ANK1: variants seen among roughly 807,000 people sequenced by gnomAD.
The protein encoded by ANK1 is ankyrin-1.
A neutral mutation model predicts 210.4 loss-of-function variants in ANK1; 51 were observed. That is an observed-to-expected ratio of 0.24 (90% CI 0.19 to 0.31). ANK1 has a LOEUF of 0.31. ANK1 is among the 10% of genes least tolerant of loss of function. ANK1 has a pLI of 1.00. For missense variants in ANK1, 2,051 were observed against 2,504.4 expected (o/e 0.82, Z 3.86); for synonymous variants, 967 against 1,025.9 (o/e 0.94, Z 1.10).
At chr8:41,774,836 T>A (rs1843663548) in intron 1 of ANK1, among the ~76,000 whole-genome samples, 1 of 152,216 alleles carries the variant, frequency 6.6e-6, no homozygotes, top group African/African-American at 2.4e-5. Flanking sequence ...GAACATATTG[T>A]GGACTGGGGA....
chr8:41,843,605 A>G (rs56077836), intron 1 of ANK1, among the ~76,000 whole-genome samples: 1,658 of 152,302 alleles, frequency 0.011, 41 homozygotes, highest in African/African-American at 0.037. Context: ...CTTCCTGGAA[A>G]GGCCAAACAG....
Position 41,725,842 on chromosome 8 carries a change from C to T in ANK1, c.531G>A (p.Leu177=). 1.6e-5 allele frequency: 26 copies of T among 1,611,918 alleles called. No individual in the cohort carries two copies. Among genetic ancestry groups the T allele is most frequent in the Non-Finnish European group, 2.2e-5 (26 of 1,179,534 alleles). Residue 177 remains leucine (L), a synonymous_variant, in exon 6 of 43, where the codon CTG becomes CTA. Coordinates refer to ENST00000289734, the MANE Select transcript of ANK1 (RefSeq NM_000037.4). ...GTKGKVRLPA[L]HIAARNDDTR... is the part of the protein sequence containing the mutation. ...TGTCGTCGTTGCGGGCCGCGATGTG[C>T]AGGGCCGGGAGGCGCACCTTCCCCT...
In ANK1 at chr8:41,727,839, G is replaced by A. The variant is rs576250210; in HGVS notation, c.327+69C>T. On this transcript the variant is annotated intron_variant, in intron 4 of 42. Transcript: ENST00000289734. ...TTAACACGGCTGCCAATGGACCCAC[G>A]AGGGAGCAGCAAAGAGGAACCACCT... is the stretch of plus-strand genomic sequence containing the variant. 273 of 1,476,956 alleles carry A rather than the reference G, an allele frequency of 1.8e-4. 4 individuals carry two copies. In the Middle Eastern group the frequency reaches 1.9e-3, roughly 10 times the overall value. The allele number at this position is 1,476,956 out of a possible 1,614,324, so 91.5% of individuals were successfully genotyped here. A position where few individuals can be genotyped will look rare whatever the true frequency, so the allele number is the denominator to read the frequency against.
intron 1 of ANK1, among the ~76,000 whole-genome samples, chr8:41,761,365 C>T (rs556878067): frequency 5.1e-5 from 3 of 58,804 alleles, no homozygotes; most frequent in African/African-American, 1.1e-4. Context: ...ATACAGAGAC[C>T]TGTGTGCACA....
intron 37 of ANK1, 124 bp downstream of exon 37, chr8:41,684,419 AC>A: frequency 7.0e-7 from 1 of 1,428,512 alleles, no homozygotes. Context: ...GACAAACCAG[AC>A]CTCCCACCAA....
chr8:41,661,315 C>G, intron 42 of ANK1, 115 bp downstream of exon 42: 1 of 1,457,614 alleles, frequency 6.9e-7, no homozygotes, highest in Non-Finnish European at 9.3e-7. Flanking sequence ...GACACAACAA[C>G]AAGTTGTTTG....
chr8:41,674,817 C>A (rs568979440), intron 37 of ANK1, among the ~76,000 whole-genome samples: 1 of 152,278 alleles, frequency 6.6e-6, no homozygotes. Flanking sequence ...CTGAGGGAAA[C>A]CCCTTTTAGC....
At chr8:41,827,240 C>T (rs1805541565) in intron 1 of ANK1, among the ~76,000 whole-genome samples, 1 of 152,196 alleles carries the variant, frequency 6.6e-6, no homozygotes, top group Non-Finnish European at 1.5e-5. Flanking sequence ...GGAATAAATA[C>T]CCATCTAATG....
chr8:41,853,895 G>A (rs922158342), intron 1 of ANK1, among the ~76,000 whole-genome samples: 8 of 152,052 alleles, frequency 5.3e-5, no homozygotes, highest in South Asian at 4.1e-4. Context: ...CAAAGCACTC[G>A]GATTACAGGC....
rs1805250576 is a variant in ANK1, at chr8:41,655,191, C to A, written c.*599G>T. The A allele has an allele frequency of 6.4e-6, 1 of 155,060 alleles. No homozygotes were observed. Among genetic ancestry groups the A allele is most frequent in the Non-Finnish European group, 1.4e-5 (1 of 70,550 alleles). 9.6% of individuals were successfully genotyped at this position (155,060 alleles called of 1,614,324 possible). A position where few individuals can be genotyped will look rare whatever the true frequency, so the allele number is the denominator to read the frequency against. ...GTAGAGCGATCTGGGAGGAGCGTCA[C>A]CAGGGAGTCGAGGGGGTGTCACAAG... On this transcript the variant is annotated 3_prime_UTR_variant, in exon 43 of 43. Transcript: ENST00000289734.
intron 37 of ANK1, among the ~76,000 whole-genome samples, chr8:41,682,799 G>A (rs573097917): frequency 6.6e-6 from 1 of 152,344 alleles, no homozygotes; most frequent in South Asian, 2.1e-4. Flanking sequence ...GTGCCCCTCT[G>A]ACTTGACCAA....
chr8:41,659,851 T>C (rs1016757068), intron 42 of ANK1, among the ~76,000 whole-genome samples: 1 of 152,054 alleles, frequency 6.6e-6, no homozygotes, highest in Non-Finnish European at 1.5e-5. Context: ...TTCAGCCACA[T>C]TGCAGATCAC....
chr8:41,824,176 G>A (rs1804953984), intron 1 of ANK1, among the ~76,000 whole-genome samples: 1 of 152,040 alleles, frequency 6.6e-6, no homozygotes, highest in Non-Finnish European at 1.5e-5. Flanking sequence ...TGTTGGCCAG[G>A]CTGGTCTCAA....
intron 24 of ANK1, among the ~76,000 whole-genome samples, chr8:41,697,084 G>A (rs1821259951): frequency 6.6e-6 from 1 of 152,076 alleles, no homozygotes; most frequent in African/African-American, 2.4e-5. Flanking sequence ...CTGCAGACCC[G>A]CCCCCCTTCT....
chr8:41,720,232 C>T (rs76507739), intron 9 of ANK1, among the ~76,000 whole-genome samples: 33,870 of 152,130 alleles, frequency 0.22, 4,176 homozygotes, highest in South Asian at 0.27. Context: ...TATTTATACG[C>T]CTCTTAAGAT....
chr8:41,761,083 A>C (rs1234643190), intron 1 of ANK1, among the ~76,000 whole-genome samples: 1 of 152,100 alleles, frequency 6.6e-6, no homozygotes, highest in African/African-American at 2.4e-5. Flanking sequence ...ATTCAATGAC[A>C]AGTGTCCTTA....
At chr8:41,714,645 G>A (rs1425202883) in intron 15 of ANK1, among the ~76,000 whole-genome samples, 1 of 152,136 alleles carries the variant, frequency 6.6e-6, no homozygotes, top group Non-Finnish European at 1.5e-5. Context: ...AAGATCACCT[G>A]AGCCCAGAGT....
intron 1 of ANK1, among the ~76,000 whole-genome samples, chr8:41,795,384 T>C (rs1283902154): frequency 1.3e-5 from 2 of 152,026 alleles, no homozygotes; most frequent in African/African-American, 4.8e-5. Flanking sequence ...TGGCACGCAC[T>C]TGTAGTCCCA....
chr8:41,894,827 C>T (rs896621372), intron 1 of ANK1, among the ~76,000 whole-genome samples: 3 of 152,020 alleles, frequency 2.0e-5, no homozygotes, highest in Non-Finnish European at 2.9e-5. Context: ...GTATTTTAGA[C>T]CCCAGCAGAG....
Sources: gnomAD v4.1 joint callset for allele counts (sites outside exome capture counted in the v4.1 genomes callset) on GRCh38, gnomAD v4.1.1 for gene constraint, MANE v1.5 for transcripts, NCBI Gene and HGNC (gene_info 2026-07-23, HGNC 2026-07-21) for gene names.